The following OSBP2 variants were observed in gnomAD, a reference collection of about 807,000 sequenced individuals.
OSBP2 encodes the protein oxysterol-binding protein 2.
In OSBP2, 66 loss-of-function variants were observed where a neutral mutation model predicts 96.0. That is an observed-to-expected ratio of 0.69 (90% CI 0.56 to 0.84). The LOEUF is 0.84. Among genes scored for constraint, OSBP2 ranks in the 40% least tolerant of loss-of-function variants. OSBP2 has a pLI of 0.00. For synonymous variants in OSBP2, 525 were observed against 520.9 expected (o/e 1.01, Z -0.11); for missense variants, 1,038 against 1,222.7 (o/e 0.85, Z 2.25).
At chr22:30,700,199 C>T (rs946482963) in intron 1 of OSBP2, among the ~76,000 whole-genome samples, 6 of 152,004 alleles carry the variant, frequency 3.9e-5, no homozygotes, top group South Asian at 2.1e-4. Context: ...CTCCTGACCT[C>T]GTGATCCGCT....
chr22:30,889,683 T>C lies in OSBP2; in HGVS notation c.1623+47T>C, dbSNP rs766316783. On this transcript the variant is annotated intron_variant, in intron 7 of 13. Coordinates refer to ENST00000332585, the MANE Select transcript of OSBP2 (RefSeq NM_030758.4). The stretch of plus-strand genomic sequence containing the variant: ...GCCCCGACAGGTCCTCTGGGGCTGC[T>C]TTCCTGTGCGTGGATGAGCAGTAAT... The C allele has an allele frequency of 7.5e-6, 12 of 1,592,830 alleles. No homozygotes were observed. In the African/African-American group the frequency reaches 1.2e-4, roughly 16 times the overall value.
chr22:30,824,249 G>T (rs1157531663), intron 2 of OSBP2, among the ~76,000 whole-genome samples: 3 of 152,204 alleles, frequency 2.0e-5, no homozygotes, highest in African/African-American at 7.2e-5. Flanking sequence ...CAGCAAGCCT[G>T]GGGAGGAGGC....
chr22:30,757,059 A>G (rs1314837021), intron 2 of OSBP2, among the ~76,000 whole-genome samples: 1 of 151,204 alleles, frequency 6.6e-6, no homozygotes, highest in Non-Finnish European at 1.5e-5. Flanking sequence ...CCAGCCAGGC[A>G]GACCACACTC....
intron 2 of OSBP2, among the ~76,000 whole-genome samples, 189 bp downstream of exon 2, chr22:30,741,558 C>T (rs1029037747): frequency 1.3e-5 from 2 of 152,160 alleles, no homozygotes; most frequent in Admixed American, 6.5e-5. Flanking sequence ...TTCTGTCTGG[C>T]GAGCAGTTCT....
At chr22:30,733,593 G>A (rs183638560) in intron 1 of OSBP2, among the ~76,000 whole-genome samples, 1 of 152,158 alleles carries the variant, frequency 6.6e-6, no homozygotes, top group Non-Finnish European at 1.5e-5. Flanking sequence ...ATGCAGGGGC[G>A]ACTTGGCTTA....
At position 30,891,079 on chromosome 22, in the gene OSBP2, A is replaced by G. The variant is rs1185015021; in HGVS notation, c.1869+106A>G. On this transcript the variant is annotated intron_variant, in intron 8 of 13. Coordinates refer to ENST00000332585, the MANE Select transcript of OSBP2 (RefSeq NM_030758.4). Reference sequence around the variant, plus strand: ...GGGAGGCAGCGTCTGTCTGACCCTGACTGCCCATACCCAAGGGGCCATCAA... The same window carrying G: ...GGGAGGCAGCGTCTGTCTGACCCTGGCTGCCCATACCCAAGGGGCCATCAA... 7 of 1,379,238 alleles carry G rather than the reference A, an allele frequency of 5.1e-6. No individual in the cohort carries two copies. The African/African-American group carries it at 7.1e-5, about 14-fold the overall frequency. 85.4% of individuals were successfully genotyped at this position (1,379,238 alleles called of 1,614,324 possible). A position where few individuals can be genotyped will look rare whatever the true frequency, so the allele number is the denominator to read the frequency against.
intron 2 of OSBP2, among the ~76,000 whole-genome samples, chr22:30,806,991 G>A (rs2090937760): frequency 6.6e-6 from 1 of 152,168 alleles, no homozygotes; most frequent in Non-Finnish European, 1.5e-5. Flanking sequence ...ATAAAAAGAT[G>A]CAATTGTTGC....
chr22:30,879,137 A>G (rs2039646220), intron 3 of OSBP2, among the ~76,000 whole-genome samples: 1 of 152,130 alleles, frequency 6.6e-6, no homozygotes, highest in African/African-American at 2.4e-5. Flanking sequence ...GGCCCAGGAG[A>G]TCACGTGGGG....
chr22:30,719,651 G>A (rs1354004644), intron 1 of OSBP2, among the ~76,000 whole-genome samples: 1 of 151,794 alleles, frequency 6.6e-6, no homozygotes, highest in East Asian at 1.9e-4. Flanking sequence ...CTACTTGGAA[G>A]GCTGTGGCAT....
rs993807615 is a variant in OSBP2 at position 30,907,632 on chromosome 22, T to TA, written c.*1304dup. ...AGGACTGGTTTTGTTTTTATATATA[T>TA]AAAAAAAAAAAGTGAAAACACCAAT... is the stretch of plus-strand genomic sequence containing the variant. On this transcript the variant is annotated 3_prime_UTR_variant, in exon 14 of 14. Transcript: ENST00000332585. The TA allele has an allele frequency of 1.4e-3, 194 of 141,862 alleles. No homozygotes were observed. Among genetic ancestry groups the TA allele is most frequent in the Admixed American group, 2.6e-3 (37 of 14,174 alleles). 8.8% of individuals were successfully genotyped at this position (141,862 alleles called of 1,614,324 possible). A position where few individuals can be genotyped will look rare whatever the true frequency, so the allele number is the denominator to read the frequency against.
At chr22:30,717,127 T>C (rs2089475233) in intron 1 of OSBP2, among the ~76,000 whole-genome samples, 1 of 148,274 alleles carries the variant, frequency 6.7e-6, no homozygotes, top group Non-Finnish European at 1.5e-5. Context: ...TGTGTGTGTG[T>C]GTGTGTAGAG....
At chr22:30,801,874 G>T (rs1219556627) in intron 2 of OSBP2, among the ~76,000 whole-genome samples, 3 of 152,176 alleles carry the variant, frequency 2.0e-5, no homozygotes, top group Admixed American at 2.0e-4. Context: ...CTATTTAGGA[G>T]GTTGAGGTAG....
At chr22:30,789,609 G>A (rs117523492) in intron 2 of OSBP2, among the ~76,000 whole-genome samples, 1,987 of 152,262 alleles carry the variant, frequency 0.013, 22 homozygotes, top group Middle Eastern at 0.044. Flanking sequence ...CGGACAGTCC[G>A]GTACAGCTGT....
intron 2 of OSBP2, among the ~76,000 whole-genome samples, chr22:30,768,708 A>G (rs1429583177): frequency 6.6e-6 from 1 of 151,966 alleles, no homozygotes; most frequent in Non-Finnish European, 1.5e-5. Context: ...AAAAACCAAG[A>G]GCATTATTGC....
intron 1 of OSBP2, among the ~76,000 whole-genome samples, chr22:30,700,411 C>G (rs2145666233): frequency 6.6e-6 from 1 of 151,934 alleles, no homozygotes; most frequent in Admixed American, 6.6e-5. Context: ...AAATTTATCC[C>G]TAGTTCTTAT....
In OSBP2 at chr22:30,729,552, C is replaced by T. The variant is rs536587350; in HGVS notation, c.645-11609C>T. 2.0e-5 allele frequency among the ~76,000 whole-genome samples: 3 copies of T among 152,162 alleles called. No homozygotes were observed. The South Asian group carries it at 6.2e-4, about 32-fold the overall frequency. On this transcript the variant is annotated intron_variant, in intron 1 of 13. Coordinates refer to ENST00000332585, the MANE Select transcript of OSBP2 (RefSeq NM_030758.4). ...ACTTGGGAGGCTGAGGCAGGAGAAT[C>T]GTTTGAACCCAGGAGGCAGAGATTG...
At chr22:30,836,476 CA>C (rs1438223105) in intron 2 of OSBP2, among the ~76,000 whole-genome samples, 9 of 152,320 alleles carry the variant, frequency 5.9e-5, no homozygotes, top group African/African-American at 2.2e-4. Flanking sequence ...CTCCACTGGC[CA>C]ACAGTTGAAG....
chr22:30,731,947 T>C lies in OSBP2; in HGVS notation c.645-9214T>C, dbSNP rs5749158. ...TCTGGCTGGTCTGTGATGTTTGCGC[T>C]GAGTGGTCTGCATGTGTTGTTGGCC... On this transcript the variant is annotated intron_variant, in intron 1 of 13. Transcript: ENST00000332585. Among the ~76,000 whole-genome samples, 2,227 of 152,316 alleles carry C rather than the reference T, an allele frequency of 0.015. 196 individuals are homozygous for C. In the East Asian group the frequency reaches 0.26, roughly 18 times the overall value.
rs1239083048 is a variant in OSBP2 at position 30,902,140 on chromosome 22, C to CA, written c.2376-3685dup. On this transcript the variant is annotated intron_variant, in intron 12 of 13. Coordinates refer to ENST00000332585, the MANE Select transcript of OSBP2 (RefSeq NM_030758.4). ...AAAAAAAAAACGAAAAAAAAAAAAC[C>CA]AAAAAAAAAAAACAGAGGGTCCCAC... The CA allele has an allele frequency of 2.4e-4, 62 of 258,616 alleles. 1 individual carries two copies. The highest frequency in any genetic ancestry group is 3.0e-4 in the Non-Finnish European group (44 of 146,950). 16.0% of individuals were successfully genotyped at this position (258,616 alleles called of 1,614,324 possible).
Sources: allele counts gnomAD v4.1 joint callset (sites outside exome capture counted in the v4.1 genomes callset), GRCh38; gene constraint gnomAD v4.1.1; transcripts MANE v1.5; gene names NCBI Gene and HGNC (gene_info 2026-07-23, HGNC 2026-07-21).